Variants in PLCE1 observed in about 807,000 individuals in gnomAD.
PLCE1 encodes the protein phospholipase C epsilon 1, also known as 1-phosphatidylinositol 4,5-bisphosphate phosphodiesterase epsilon-1.
PLCE1 carries 119 observed loss-of-function variants against 242.8 expected under a neutral mutation model. The ratio of observed to expected loss-of-function variants is 0.49; its 90% CI spans 0.42 to 0.57. The LOEUF (loss-of-function observed/expected upper bound fraction) is 0.57, where lower values mean the gene tolerates loss of function less well. Among genes scored for constraint, PLCE1 ranks in the 20% least tolerant of loss-of-function variants. The pLI, the probability that PLCE1 is intolerant of heterozygous loss-of-function variation, is 0.00. For synonymous variants in PLCE1, 945 were observed against 1,017.4 expected (o/e 0.93, Z 1.35); for missense variants, 2,441 against 2,788.8 (o/e 0.88, Z 2.81).
chr10:94,323,221 T>C (rs1289046023), intron 30 of PLCE1, among the ~76,000 whole-genome samples: 1 of 152,184 alleles, frequency 6.6e-6, no homozygotes, highest in Non-Finnish European at 1.5e-5. Context: ...TCTGAGAGTT[T>C]ACATGGTTTC....
rs193235745 is a variant in PLCE1, at chr10:94,298,243, C to T, written c.5168-136C>T. On this transcript the variant is annotated intron_variant, in intron 23 of 32. Coordinates refer to ENST00000371380, the MANE Select transcript of PLCE1 (RefSeq NM_016341.4). This position sits in a 1 kb window ranked among gnomAD's most constrained non-coding sequence, Gnocchi z 5.2. ...GTTGTTTTAAAGTGGCGAACTAACT[C>T]ACAAGTAAAATCCAAGAGGTATTCT... 4.6e-5 allele frequency: 36 copies of T among 782,478 alleles called. No individual in the cohort carries two copies. The East Asian group carries it at 7.1e-4, about 15-fold the overall frequency. The allele number at this position is 782,478 out of a possible 1,614,324, so 48.5% of individuals were successfully genotyped here.
intron 4 of PLCE1, among the ~76,000 whole-genome samples, chr10:94,210,309 A>C (rs1317669832): frequency 6.6e-6 from 1 of 151,824 alleles, no homozygotes; most frequent in East Asian, 1.9e-4. Flanking sequence ...GTTAAAACTC[A>C]CCCTTTCTCT....
At chr10:94,106,759 G>A (rs899738526) in intron 2 of PLCE1, among the ~76,000 whole-genome samples, 2 of 151,686 alleles carry the variant, frequency 1.3e-5, no homozygotes, top group African/African-American at 2.4e-5. Flanking sequence ...CTTCTTAACC[G>A]TTCCAGTCCT....
chr10:94,211,678 A>G (rs185215987), intron 4 of PLCE1, among the ~76,000 whole-genome samples: 74 of 152,304 alleles, frequency 4.9e-4, no homozygotes, highest in African/African-American at 1.7e-3. Context: ...ATCTTCCTTC[A>G]TGTCTTGGTT....
At chr10:94,279,685 T>C (rs1365084296) in intron 19 of PLCE1, 97 bp from the exon 20 acceptor site, 12 of 1,393,534 alleles carry the variant, frequency 8.6e-6, no homozygotes, top group African/African-American at 1.4e-5. Flanking sequence ...GTTAAGCCAC[T>C]TTTAACGATT....
intron 22 of PLCE1, among the ~76,000 whole-genome samples, chr10:94,288,020 G>C (rs2052520240): frequency 6.6e-6 from 1 of 151,826 alleles, no homozygotes; most frequent in South Asian, 2.1e-4. Context: ...CATATGTTTG[G>C]GTACCTCCTA....
chr10:94,280,673 A>G (rs2052174671), intron 20 of PLCE1: 1 of 152,306 alleles, frequency 6.6e-6, no homozygotes, highest in Non-Finnish European at 1.5e-5. Flanking sequence ...CAAGGTTCCT[A>G]TTTCTATAAA....
intron 1 of PLCE1, among the ~76,000 whole-genome samples, chr10:94,023,113 G>A (rs544890465): frequency 6.6e-6 from 1 of 152,254 alleles, no homozygotes; most frequent in South Asian, 2.1e-4. Context: ...AGCAATTAAT[G>A]CGGACAGGTG....
intron 3 of PLCE1, among the ~76,000 whole-genome samples, chr10:94,165,733 T>TG (rs1257253954): frequency 6.6e-6 from 1 of 151,232 alleles, no homozygotes; most frequent in East Asian, 1.9e-4. Flanking sequence ...TTTGAGACGG[T>TG]GTCTTGCTCT....
intron 4 of PLCE1, among the ~76,000 whole-genome samples, chr10:94,224,182 T>G (rs2049861464): frequency 6.6e-6 from 1 of 152,150 alleles, no homozygotes; most frequent in African/African-American, 2.4e-5. Context: ...ACCAGGGCCC[T>G]GGGGACTCAC....
intron 4 of PLCE1, among the ~76,000 whole-genome samples, chr10:94,198,863 A>T (rs889955785): frequency 6.6e-6 from 1 of 152,112 alleles, no homozygotes; most frequent in Non-Finnish European, 1.5e-5. Context: ...ACCTGGGCAA[A>T]TCCTCATGTA....
intron 4 of PLCE1, among the ~76,000 whole-genome samples, chr10:94,192,812 C>T (rs879732229): frequency 2.0e-5 from 3 of 152,168 alleles, no homozygotes; most frequent in Non-Finnish European, 2.9e-5. Flanking sequence ...GCAGTGTTCC[C>T]TTTTCTCCAT....
chr10:94,269,662 A>G (rs928711422), intron 17 of PLCE1, among the ~76,000 whole-genome samples: 5 of 152,192 alleles, frequency 3.3e-5, no homozygotes, highest in Non-Finnish European at 7.3e-5. Context: ...GGCAAGGTCT[A>G]TTTTCCTGCT....
chr10:94,128,641 A>G (rs2046505533), intron 2 of PLCE1, among the ~76,000 whole-genome samples: 1 of 152,220 alleles, frequency 6.6e-6, no homozygotes, highest in Admixed American at 6.5e-5. Context: ...GTGATTTGCA[A>G]TACCTTTTGA....
In PLCE1 at chr10:94,254,231, A is replaced by G; in HGVS notation, c.3321A>G (p.Arg1107=). 1 of 1,614,104 alleles carries G rather than the reference A, an allele frequency of 6.2e-7. No homozygotes were observed. Among genetic ancestry groups the G allele is most frequent in the Non-Finnish European group, 8.5e-7 (1 of 1,179,968 alleles). The change falls in exon 10 of 33, where the codon CGA becomes CGG. Residue 1107 remains arginine, a synonymous_variant. Transcript: ENST00000371380. ...TAACTGACGATGAGATGGCAACCCG[A>G]AAGGCCAAGATGCACAAAGAGTGTC... ...GEVTDDEMAT[R]KAKMHKECRS...
intron 4 of PLCE1, among the ~76,000 whole-genome samples, chr10:94,179,512 G>GTTTTTTGTTTTTTTTTTTTTT (rs1554877548): frequency 5.2e-4 from 10 of 19,398 alleles, no homozygotes; most frequent in African/African-American, 1.6e-3. Flanking sequence ...TTTTAGTTTA[G>GTTTTTTGTTTTTTTTTTTTTT]TTTTTTTTTT....
intron 2 of PLCE1, among the ~76,000 whole-genome samples, chr10:94,127,760 T>A (rs1194626407): frequency 6.6e-6 from 1 of 152,192 alleles, no homozygotes; most frequent in Admixed American, 6.5e-5. Context: ...AGGCAGATAC[T>A]ATTATATCCT....
At chr10:94,134,954 A>G (rs1487749868) in intron 3 of PLCE1, among the ~76,000 whole-genome samples, 1 of 152,250 alleles carries the variant, frequency 6.6e-6, no homozygotes, top group African/African-American at 2.4e-5. Context: ...TAATACAATT[A>G]GCTGGTTGCC....
intron 3 of PLCE1, 123 bp downstream of exon 3, chr10:94,132,582 G>A (rs1340543480): frequency 4.8e-5 from 44 of 919,234 alleles, no homozygotes; most frequent in South Asian, 6.9e-5. Flanking sequence ...AGTAAAAGTC[G>A]CTTCTTTAAG....
Sources: allele counts gnomAD v4.1 joint callset (sites outside exome capture counted in the v4.1 genomes callset), GRCh38; gene constraint gnomAD v4.1.1; non-coding constraint Gnocchi (gnomAD v3.1); transcripts MANE v1.5; gene names NCBI Gene and HGNC (gene_info 2026-07-23, HGNC 2026-07-21).